Variants in DCT observed in about 807,000 individuals in gnomAD.
DCT encodes the protein L-dopachrome tautomerase.
DCT carries 47 observed loss-of-function variants against 53.0 expected under a neutral mutation model. That is an observed-to-expected ratio of 0.89 (90% CI 0.70 to 1.13). DCT has a LOEUF of 1.13. DCT is among the 50% of genes most tolerant of loss of function. The probability of loss-of-function intolerance (pLI) is 0.00; values close to 1 mark genes in which losing one functional copy is unlikely to be tolerated. For synonymous variants in DCT, 244 were observed against 237.0 expected (o/e 1.03, Z -0.27); for missense variants, 669 against 637.4 (o/e 1.05, Z -0.53).
At chr13:94,493,583 G>C in the DCT span, among the ~76,000 whole-genome samples, 1 of 152,184 alleles carries the variant, frequency 6.6e-6, no homozygotes, top group African/African-American at 2.4e-5. Flanking sequence ...CCTCAGTCAA[G>C]TTATGGTGAC....
chr13:94,500,136 T>C, the DCT span, among the ~76,000 whole-genome samples: 1 of 152,066 alleles, frequency 6.6e-6, no homozygotes, highest in Non-Finnish European at 1.5e-5. Context: ...ATCTGAAGCT[T>C]TTACCCTTTC....
chr13:94,462,962 G>A (rs1460299865), intron 4 of DCT, among the ~76,000 whole-genome samples: 1 of 152,184 alleles, frequency 6.6e-6, no homozygotes, highest in Non-Finnish European at 1.5e-5. Flanking sequence ...ACACAAAGGG[G>A]AGATATTAGA....
the DCT span, among the ~76,000 whole-genome samples, chr13:94,505,221 G>A: frequency 6.7e-6 from 1 of 150,246 alleles, no homozygotes; most frequent in Non-Finnish European, 1.5e-5. Context: ...CTTGACACAC[G>A]CATTTTATCA....
the DCT span, among the ~76,000 whole-genome samples, chr13:94,526,858 C>T: frequency 1.3e-5 from 2 of 152,126 alleles, no homozygotes; most frequent in Non-Finnish European, 1.5e-5. Flanking sequence ...AGGGATTTCC[C>T]TTTCCTAGCC....
At chr13:94,476,460 T>C (rs1375888819) in intron 1 of DCT, among the ~76,000 whole-genome samples, 3 of 148,544 alleles carry the variant, frequency 2.0e-5, no homozygotes, top group African/African-American at 7.5e-5. Flanking sequence ...TTGAAAGTGT[T>C]GGCACTTTCT....
At chr13:94,495,747 T>C in the DCT span, among the ~76,000 whole-genome samples, 103 of 152,364 alleles carry the variant, frequency 6.8e-4, 1 homozygote, top group East Asian at 0.018. Context: ...ATGTACTATC[T>C]CAAAGGGAGA....
At position 94,479,288 on chromosome 13, in the gene DCT, T is replaced by TC; in HGVS notation, c.-34_-33insG. The stretch of plus-strand genomic sequence containing the variant: ...TAATTGGGAGAGCTCTCTCTCTCTC[T>TC]TACTTTCCTTGTCTCTGTCGTACTT... On this transcript the variant is annotated 5_prime_UTR_variant, in exon 1 of 8. Transcript: ENST00000377028. 6.7e-7 allele frequency: 1 copy of TC among 1,494,048 alleles called. No homozygotes were observed. 92.5% of individuals were successfully genotyped at this position (1,494,048 alleles called of 1,614,324 possible).
chr13:94,445,783 T>C (rs564237351), intron 6 of DCT: 29 of 1,541,806 alleles, frequency 1.9e-5, no homozygotes, highest in Non-Finnish European at 2.6e-5. Context: ...CAAAATTTAA[T>C]AGAAATTTTG....
the DCT span, among the ~76,000 whole-genome samples, chr13:94,542,215 G>A: frequency 7.9e-5 from 12 of 152,026 alleles, no homozygotes; most frequent in Non-Finnish European, 1.5e-5. Context: ...TTGAGACAGG[G>A]TCTCACTCTG....
the DCT span, among the ~76,000 whole-genome samples, chr13:94,526,363 C>A: frequency 2.8e-3 from 425 of 152,304 alleles, 1 homozygote; most frequent in Non-Finnish European, 4.5e-3. Context: ...ATTTGAGTAA[C>A]ACGGATATTC....
At chr13:94,455,429 T>C (rs1883351862) in intron 6 of DCT, among the ~76,000 whole-genome samples, 1 of 145,944 alleles carries the variant, frequency 6.9e-6, no homozygotes, top group African/African-American at 2.6e-5. Flanking sequence ...CTATCCTTAC[T>C]ACAAACTAAT....
the DCT span, among the ~76,000 whole-genome samples, chr13:94,494,728 T>C: frequency 6.6e-6 from 1 of 152,228 alleles, no homozygotes; most frequent in Non-Finnish European, 1.5e-5. Context: ...TAATCACTAC[T>C]CCTTCACTCA....
In DCT at chr13:94,438,648, C is replaced by A; in HGVS notation, c.*1250G>T. On this transcript the variant is annotated 3_prime_UTR_variant, in exon 8 of 8. Transcript: ENST00000377028. ...GAGCAGATGAAATTTGCCTGGAAAT[C>A]TCAAGAGCCATTAACTTCTCTGAAG... 1 of 455,964 alleles carries A rather than the reference C, an allele frequency of 2.2e-6. No homozygotes were observed. The highest frequency in any genetic ancestry group is 1.5e-5 in the South Asian group (1 of 64,534). The allele number at this position is 455,964 out of a possible 1,614,324, so 28.2% of individuals were successfully genotyped here.
chr13:94,482,581 C>A (rs147306135), upstream of DCT, among the ~76,000 whole-genome samples: 8 of 152,320 alleles, frequency 5.3e-5, no homozygotes, highest in African/African-American at 1.9e-4. Flanking sequence ...ACTGTCTCAT[C>A]TACTGGACTA....
chr13:94,459,948 G>T (rs1380119261), intron 6 of DCT, 143 bp downstream of exon 6: 1 of 915,074 alleles, frequency 1.1e-6, no homozygotes, highest in Non-Finnish European at 1.7e-6. Flanking sequence ...CATCCCTATG[G>T]TATAGATTGA....
At position 94,446,584 on chromosome 13, in the gene DCT, T is replaced by C. The variant is rs76697717; in HGVS notation, c.1180-2947A>G. On this transcript the variant is annotated intron_variant, in intron 6 of 7. Coordinates refer to ENST00000377028, the MANE Select transcript of DCT (RefSeq NM_001922.5). ...GTGGATATTATTTGTTTGCTCAGGC[T>C]GCTGTAACAAAGTACTACAGACTGG... Among the ~76,000 whole-genome samples the C allele has an allele frequency of 3.9e-3, 592 of 152,364 alleles. 5 individuals are homozygous for C. The highest frequency in any genetic ancestry group is 0.013 in the African/African-American group (545 of 41,582).
chr13:94,536,897 T>C, the DCT span, among the ~76,000 whole-genome samples: 4,425 of 152,154 alleles, frequency 0.029, 206 homozygotes, highest in African/African-American at 0.1. Context: ...TGAGCCAAGA[T>C]TGCGCCACTG....
At chr13:94,456,012 T>C (rs1377639769) in intron 6 of DCT, among the ~76,000 whole-genome samples, 1 of 152,226 alleles carries the variant, frequency 6.6e-6, no homozygotes, top group Non-Finnish European at 1.5e-5. Flanking sequence ...CCAGAAATGC[T>C]TGGCATAAGC....
At chr13:94,492,242 C>A in the DCT span, among the ~76,000 whole-genome samples, 1 of 152,176 alleles carries the variant, frequency 6.6e-6, no homozygotes, top group Non-Finnish European at 1.5e-5. Context: ...AAGCAGCGAG[C>A]CTTAAAGATA....
Sources: gnomAD v4.1 joint callset for allele counts (sites outside exome capture counted in the v4.1 genomes callset) on GRCh38, gnomAD v4.1.1 for gene constraint, MANE v1.5 for transcripts, NCBI Gene and HGNC (gene_info 2026-07-23, HGNC 2026-07-21) for gene names.